The following DMD variants were observed in gnomAD, a reference collection of about 807,000 sequenced individuals.
DMD encodes the protein mutant dystrophin.
A neutral mutation model predicts 330.1 loss-of-function variants in DMD; 63 were observed. The ratio of observed to expected loss-of-function variants is 0.19; its 90% CI spans 0.16 to 0.24. DMD has a LOEUF of 0.24. Ranked by LOEUF, DMD falls within the 10% of genes least tolerant of loss-of-function variation. The probability of loss-of-function intolerance (pLI) is 1.00; values close to 1 mark genes in which losing one functional copy is unlikely to be tolerated. For synonymous variants in DMD, 1,223 were observed against 959.8 expected (o/e 1.27, Z -5.07); for missense variants, 3,344 against 2,684.1 (o/e 1.25, Z -5.43).
At chrX:31,540,599 C>T (rs2073743722) in intron 55 of DMD, among the ~76,000 whole-genome samples, 1 of 111,915 alleles carries the variant, frequency 8.9e-6, no homozygotes, top group Non-Finnish European at 1.9e-5. Context: ...TGCTCATACA[C>T]CAACCTATAT....
chrX:31,569,652 A>ATATATACGTATATACGTATATATATG (rs1556698907), intron 55 of DMD, among the ~76,000 whole-genome samples: 1 of 93,207 alleles, frequency 1.1e-5, no homozygotes, highest in African/African-American at 4.1e-5. Context: ...GTATATACGT[A>ATATATACGTATATACGTATATATATG]TATATACGTA....
intron 55 of DMD, among the ~76,000 whole-genome samples, chrX:31,555,002 G>C (rs2074721834): frequency 8.9e-6 from 1 of 111,740 alleles, no homozygotes; most frequent in Non-Finnish European, 1.9e-5. Context: ...TCCTAGGAGA[G>C]GGAGCCATTT....
chrX:32,205,938 C>G (rs2097066762), intron 44 of DMD: 1 of 386,319 alleles, frequency 2.6e-6, no homozygotes. Flanking sequence ...CCAAAACTAT[C>G]TTTTTGGTTG....
chrX:31,145,662 A>ATTTTTTTTTTTTT (rs749721258), intron 76 of DMD, among the ~76,000 whole-genome samples: 3 of 86,320 alleles, frequency 3.5e-5, no homozygotes, highest in African/African-American at 1.4e-4. Flanking sequence ...TGGGAACTCT[A>ATTTTTTTTTTTTT]TTTTTTTTTT....
At chrX:32,509,062 G>A (rs1445859784) in intron 18 of DMD, among the ~76,000 whole-genome samples, 2 of 109,419 alleles carry the variant, frequency 1.8e-5, no homozygotes, top group African/African-American at 3.3e-5. Context: ...CACCCGCCTC[G>A]ACCTCCCAAA....
intron 30 of DMD, among the ~76,000 whole-genome samples, chrX:32,390,574 C>A (rs1045625639): frequency 5.4e-5 from 6 of 111,854 alleles, no homozygotes; most frequent in African/African-American, 1.9e-4. Context: ...ACACTCAAAT[C>A]GGACCAAAGA....
chrX:32,298,183 C>A (rs1239719653), intron 42 of DMD, among the ~76,000 whole-genome samples: 2 of 110,528 alleles, frequency 1.8e-5, no homozygotes, highest in Non-Finnish European at 3.8e-5. Flanking sequence ...GTAGAGTCTA[C>A]AGGGGAGAAG....
upstream of DMD, among the ~76,000 whole-genome samples, chrX:33,214,827 A>G (rs2052022121): frequency 9.0e-6 from 1 of 110,651 alleles, no homozygotes; most frequent in African/African-American, 3.3e-5. Flanking sequence ...CTAATTTAAT[A>G]TTTTTTTTAG....
At chrX:32,657,603 C>T (rs184519982) in intron 9 of DMD, among the ~76,000 whole-genome samples, 9 of 111,526 alleles carry the variant, frequency 8.1e-5, no homozygotes, top group African/African-American at 2.9e-4. Flanking sequence ...TTCATGAAGT[C>T]CAGAGAAGAA....
chrX:31,430,754 G>A (rs1289512434), intron 60 of DMD, among the ~76,000 whole-genome samples: 1 of 105,669 alleles, frequency 9.5e-6, no homozygotes, highest in African/African-American at 3.5e-5. Context: ...CCTAAGAATT[G>A]GAATTGGGGG....
intron 49 of DMD, among the ~76,000 whole-genome samples, chrX:31,831,424 C>A (rs752976292): frequency 8.9e-6 from 1 of 112,123 alleles, no homozygotes; most frequent in African/African-American, 3.2e-5. Context: ...AGACATTTGA[C>A]AATCTCATCC....
chrX:32,087,988 G>A (rs55982304), intron 44 of DMD, among the ~76,000 whole-genome samples: 3,645 of 112,068 alleles, frequency 0.033, 71 homozygotes, highest in Non-Finnish European at 0.052. Flanking sequence ...TTTGGTAATG[G>A]GAAATGAAAG....
In DMD at chrX:32,463,529, C is replaced by T; in HGVS notation, c.3342G>A (p.Lys1114=). The T allele has an allele frequency of 8.3e-7, 1 of 1,202,492 alleles. No individual in the cohort carries two copies. Among genetic ancestry groups the T allele is most frequent in the Non-Finnish European group, 1.1e-6 (1 of 890,083 alleles). Residue 1114 remains lysine, a synonymous_variant, in exon 25 of 79, where the codon AAG becomes AAA. Coordinates refer to ENST00000357033, the MANE Select transcript of DMD (RefSeq NM_004006.3). ...SLNSVNEGGQ[K]IKNEAEPEFA... ...ACTCTGGCTCTGCTTCATTCTTTAT[C>T]TTCTGCCCACCTTCATTGACACTGT...
chrX:31,766,902 T>TGTGTGTGTGTGTGTGTG (rs58442587), intron 51 of DMD, among the ~76,000 whole-genome samples: 2 of 110,355 alleles, frequency 1.8e-5, no homozygotes, highest in Admixed American at 9.7e-5. Flanking sequence ...TGTGTGTGTG[T>TGTGTGTGTGTGTGTGTG]TTGCAACTCT....
chrX:32,663,935 A>T (rs2061114693), intron 9 of DMD, among the ~76,000 whole-genome samples: 1 of 111,610 alleles, frequency 9.0e-6, no homozygotes, highest in Admixed American at 9.6e-5. Flanking sequence ...AAGCCAGAGA[A>T]GAAACATAGA....
chrX:31,809,508 T>C (rs2092398650), intron 50 of DMD, among the ~76,000 whole-genome samples: 1 of 108,076 alleles, frequency 9.3e-6, no homozygotes, highest in East Asian at 2.9e-4. Flanking sequence ...TTAGTGCTGC[T>C]AGCAATTTTA....
chrX:32,482,606 T>C (rs1163949372), intron 21 of DMD, among the ~76,000 whole-genome samples: 3 of 111,824 alleles, frequency 2.7e-5, no homozygotes, highest in East Asian at 2.8e-4. Context: ...AATGTTGTTA[T>C]GGACATTCGT....
At chrX:31,898,715 T>G (rs745371073) in intron 47 of DMD, among the ~76,000 whole-genome samples, 1 of 112,442 alleles carries the variant, frequency 8.9e-6, no homozygotes, top group African/African-American at 3.2e-5. Context: ...GAATGATGGT[T>G]TGAGTAATCC....
At chrX:31,689,326 C>G (rs910205663) in intron 52 of DMD, among the ~76,000 whole-genome samples, 2 of 111,945 alleles carry the variant, frequency 1.8e-5, no homozygotes, top group African/African-American at 6.5e-5. Flanking sequence ...ACACCAATAA[C>G]AGACAAACAG....
Sources: allele counts gnomAD v4.1 joint callset (sites outside exome capture counted in the v4.1 genomes callset), GRCh38; gene constraint gnomAD v4.1.1; transcripts MANE v1.5; gene names NCBI Gene and HGNC (gene_info 2026-07-23, HGNC 2026-07-21).